Variants in AGBL4 observed in about 807,000 individuals in gnomAD.
AGBL4 encodes the protein cytosolic carboxypeptidase 6.
Under a neutral mutation model 66.4 loss-of-function variants are expected in AGBL4, and 58 were observed. The ratio of observed to expected loss-of-function variants is 0.87; its 90% CI spans 0.71 to 1.09. The LOEUF is 1.09. Ranked by LOEUF, AGBL4 falls within the 50% of genes least tolerant of loss-of-function variation. AGBL4 has a pLI of 0.00. For missense variants in AGBL4, 579 were observed against 631.0 expected (o/e 0.92, Z 0.88); for synonymous variants, 234 against 222.9 (o/e 1.05, Z -0.44).
At chr1:48,700,630 T>C (rs891879053) in intron 6 of AGBL4, among the ~76,000 whole-genome samples, 8 of 152,098 alleles carry the variant, frequency 5.3e-5, no homozygotes, top group African/African-American at 1.7e-4. Flanking sequence ...TGTTCCAAGA[T>C]TATTTCAGCA....
chr1:49,373,689 A>T (rs867787842), intron 3 of AGBL4, among the ~76,000 whole-genome samples: 1 of 152,280 alleles, frequency 6.6e-6, no homozygotes, highest in Middle Eastern at 3.4e-3. Flanking sequence ...TAATTATTCA[A>T]AGTTCTCAGG....
intron 3 of AGBL4, among the ~76,000 whole-genome samples, chr1:49,265,029 A>C (rs1210632617): frequency 6.6e-6 from 1 of 151,560 alleles, no homozygotes. Flanking sequence ...TATGTTTTAA[A>C]ATTTTTTGTT....
chr1:48,822,442 G>A (rs1646337079), intron 6 of AGBL4, among the ~76,000 whole-genome samples: 3 of 152,202 alleles, frequency 2.0e-5, no homozygotes, highest in South Asian at 4.1e-4. Context: ...CATGCTATAT[G>A]ATTTGATTTA....
At chr1:48,665,143 G>A (rs1266185721) in intron 6 of AGBL4, among the ~76,000 whole-genome samples, 1 of 152,166 alleles carries the variant, frequency 6.6e-6, no homozygotes, top group Non-Finnish European at 1.5e-5. Flanking sequence ...TCCCCTGAAA[G>A]GCAGCAAGAA....
intron 4 of AGBL4, among the ~76,000 whole-genome samples, chr1:49,085,939 A>T (rs1644899492): frequency 6.6e-6 from 1 of 152,172 alleles, no homozygotes; most frequent in African/African-American, 2.4e-5. Context: ...CGTTGGTGTC[A>T]TCACCCCAGT....
intron 6 of AGBL4, among the ~76,000 whole-genome samples, chr1:48,774,969 T>G (rs1027064971): frequency 6.6e-6 from 1 of 152,208 alleles, no homozygotes; most frequent in Non-Finnish European, 1.5e-5. Flanking sequence ...GAAGCATGCA[T>G]GCATTTTCTT....
chr1:49,373,956 T>A (rs958093533), intron 3 of AGBL4, among the ~76,000 whole-genome samples: 34 of 152,246 alleles, frequency 2.2e-4, no homozygotes, highest in African/African-American at 8.2e-4. Context: ...ATTGAAGGCA[T>A]GCTTTTTAAT....
chr1:49,114,120 T>A (rs1272679756), intron 4 of AGBL4, among the ~76,000 whole-genome samples: 1 of 152,234 alleles, frequency 6.6e-6, no homozygotes, highest in African/African-American at 2.4e-5. Flanking sequence ...CTATATGACA[T>A]CTTCTTTCAA....
At chr1:49,656,468 T>C (rs1440950323) in intron 3 of AGBL4, among the ~76,000 whole-genome samples, 1 of 151,984 alleles carries the variant, frequency 6.6e-6, no homozygotes, top group Non-Finnish European at 1.5e-5. Context: ...ACTATTCCAA[T>C]CAATAGAAAA....
intron 4 of AGBL4, among the ~76,000 whole-genome samples, chr1:49,097,948 A>C (rs975899697): frequency 5.9e-5 from 9 of 152,234 alleles, no homozygotes; most frequent in African/African-American, 2.2e-4. Context: ...ATTATGGACC[A>C]CCTGATTCTA....
At chr1:49,307,803 C>CA (rs1478270118) in intron 3 of AGBL4, among the ~76,000 whole-genome samples, 2 of 152,106 alleles carry the variant, frequency 1.3e-5, no homozygotes, top group South Asian at 4.1e-4. Flanking sequence ...TCTGATGAGA[C>CA]ACATCATATA....
intron 2 of AGBL4, among the ~76,000 whole-genome samples, chr1:49,707,878 C>A (rs1356447009): frequency 6.6e-6 from 1 of 152,108 alleles, no homozygotes; most frequent in Non-Finnish European, 1.5e-5. Flanking sequence ...TGAGTATTGG[C>A]CCCCACTATC....
intron 3 of AGBL4, among the ~76,000 whole-genome samples, chr1:49,659,999 A>G (rs1571275628): frequency 6.6e-6 from 1 of 152,108 alleles, no homozygotes; most frequent in Admixed American, 6.6e-5. Context: ...ATAAAAACCC[A>G]AGAAGAAAAT....
At chr1:49,621,138 T>C (rs975952057) in intron 3 of AGBL4, among the ~76,000 whole-genome samples, 10 of 152,242 alleles carry the variant, frequency 6.6e-5, no homozygotes, top group African/African-American at 2.2e-4. Flanking sequence ...GAAATGCTTG[T>C]TCCTTTGTGC....
intron 4 of AGBL4, among the ~76,000 whole-genome samples, chr1:49,055,246 A>G (rs905367787): frequency 6.6e-6 from 1 of 152,022 alleles, no homozygotes; most frequent in African/African-American, 2.4e-5. Context: ...ATTTAAAAGA[A>G]TGAAGAAGCA....
intron 6 of AGBL4, among the ~76,000 whole-genome samples, chr1:48,855,515 T>C (rs901189508): frequency 6.6e-6 from 1 of 152,204 alleles, no homozygotes; most frequent in East Asian, 1.9e-4. Context: ...ATGGAGTTTT[T>C]TGGGGGATGG....
intron 5 of AGBL4, among the ~76,000 whole-genome samples, chr1:48,991,447 T>C (rs1660599979): frequency 6.6e-6 from 1 of 151,672 alleles, no homozygotes; most frequent in African/African-American, 2.4e-5. Flanking sequence ...TTAAATGCCT[T>C]GAAGTAGTCT....
At chr1:48,851,917 A>T (rs1647041157) in intron 6 of AGBL4, among the ~76,000 whole-genome samples, 1 of 152,016 alleles carries the variant, frequency 6.6e-6, no homozygotes, top group Non-Finnish European at 1.5e-5. Flanking sequence ...AGAAAAATAA[A>T]AAACAAAAAA....
intron 2 of AGBL4, among the ~76,000 whole-genome samples, chr1:49,811,857 A>G (rs756705371): frequency 4.6e-5 from 7 of 152,184 alleles, no homozygotes; most frequent in Non-Finnish European, 1.0e-4. Flanking sequence ...AAACGTAAAT[A>G]CTTCATCAAA....
Sources: gnomAD v4.1 joint callset for allele counts (sites outside exome capture counted in the v4.1 genomes callset) on GRCh38, gnomAD v4.1.1 for gene constraint, MANE v1.5 for transcripts, NCBI Gene and HGNC (gene_info 2026-07-23, HGNC 2026-07-21) for gene names.